Variants in GPM6A observed in about 807,000 individuals in gnomAD.
GPM6A encodes the protein glycoprotein M6A.
GPM6A carries 7 observed loss-of-function variants against 32.1 expected under a neutral mutation model. That is an observed-to-expected ratio of 0.22 (90% CI 0.12 to 0.41). The LOEUF is 0.41. Among genes scored for constraint, GPM6A ranks in the 10% least tolerant of loss-of-function variants. The pLI is 1.00. For synonymous variants in GPM6A, 130 were observed against 123.4 expected (o/e 1.05, Z -0.35); for missense variants, 235 against 347.2 (o/e 0.68, Z 2.57).
chr4:175,927,510 A>G (rs1028952857), intron 1 of GPM6A, among the ~76,000 whole-genome samples: 3 of 152,238 alleles, frequency 2.0e-5, no homozygotes, highest in African/African-American at 7.2e-5. Context: ...CTCCCAACAC[A>G]TATCCTCATG....
chr4:175,854,117 C>T (rs950581238), intron 1 of GPM6A, among the ~76,000 whole-genome samples: 3 of 152,038 alleles, frequency 2.0e-5, no homozygotes, highest in South Asian at 2.1e-4. Context: ...AGCAGAGGCA[C>T]TTTGGAAATA....
chr4:175,883,403 A>G (rs1453556014), intron 1 of GPM6A, among the ~76,000 whole-genome samples: 1 of 152,170 alleles, frequency 6.6e-6, no homozygotes, highest in East Asian at 1.9e-4. Context: ...ATCTTGCAAT[A>G]TCCAATCAAT....
At chr4:175,931,294 A>T (rs1739030353) in intron 1 of GPM6A, among the ~76,000 whole-genome samples, 1 of 152,202 alleles carries the variant, frequency 6.6e-6, no homozygotes. Flanking sequence ...AGCCACAGAA[A>T]TTAAATCCTA....
intron 6 of GPM6A, among the ~76,000 whole-genome samples, chr4:175,639,204 T>C (rs1481124164): frequency 6.6e-6 from 1 of 152,164 alleles, no homozygotes; most frequent in Non-Finnish European, 1.5e-5. Flanking sequence ...ATGAAATCAG[T>C]AAAATAACCA....
intron 1 of GPM6A, among the ~76,000 whole-genome samples, chr4:175,874,546 G>A (rs757795968): frequency 1.3e-5 from 2 of 152,084 alleles, no homozygotes; most frequent in African/African-American, 2.4e-5. Flanking sequence ...TGTGGCATAT[G>A]CTTTTGAAAC....
chr4:175,753,871 A>G (rs747985406), intron 1 of GPM6A, among the ~76,000 whole-genome samples: 7 of 152,130 alleles, frequency 4.6e-5, no homozygotes, highest in Non-Finnish European at 8.8e-5. Context: ...TCCATCAAGC[A>G]TCAGCCTTTA....
At chr4:175,758,376 C>T (rs1579466568) in intron 1 of GPM6A, among the ~76,000 whole-genome samples, 1 of 152,140 alleles carries the variant, frequency 6.6e-6, no homozygotes, top group South Asian at 2.1e-4. Flanking sequence ...TGGATAACAA[C>T]TTTTAAGACA....
chr4:175,679,003 C>T (rs1171204330), intron 2 of GPM6A, among the ~76,000 whole-genome samples: 3 of 152,210 alleles, frequency 2.0e-5, no homozygotes, highest in Non-Finnish European at 4.4e-5. Flanking sequence ...TTATTGACCT[C>T]AGGAAATATA....
intron 1 of GPM6A, among the ~76,000 whole-genome samples, chr4:175,754,306 A>G (rs1167543159): frequency 5.9e-5 from 9 of 152,132 alleles, no homozygotes; most frequent in Non-Finnish European, 1.2e-4. Context: ...AACAATAACA[A>G]GATCCTTGGT....
intron 1 of GPM6A, among the ~76,000 whole-genome samples, chr4:175,738,227 C>G (rs531739990): frequency 2.6e-5 from 4 of 152,034 alleles, no homozygotes; most frequent in African/African-American, 9.7e-5. Context: ...CATGAGTTAC[C>G]GCGTCTGGCT....
intron 2 of GPM6A, among the ~76,000 whole-genome samples, chr4:175,697,719 A>AG (rs1411969355): frequency 6.6e-6 from 1 of 152,204 alleles, no homozygotes; most frequent in African/African-American, 2.4e-5. Context: ...AAAATCTTTG[A>AG]GAAATTCTTT....
intron 1 of GPM6A, among the ~76,000 whole-genome samples, chr4:175,707,341 T>C (rs1242597658): frequency 6.6e-6 from 1 of 152,202 alleles, no homozygotes; most frequent in African/African-American, 2.4e-5. Context: ...ATGTTTTGAT[T>C]TGTGGAGGAA....
At chr4:175,793,582 G>A (rs1264185422) in intron 1 of GPM6A, among the ~76,000 whole-genome samples, 2 of 151,948 alleles carry the variant, frequency 1.3e-5, no homozygotes. Context: ...CGCTATGTTG[G>A]CCAGGCTGGT....
chr4:175,982,161 T>C (rs1310419359), intron 1 of GPM6A, among the ~76,000 whole-genome samples: 2 of 152,168 alleles, frequency 1.3e-5, no homozygotes, highest in African/African-American at 2.4e-5. Context: ...ATCAGGTATA[T>C]GTTTCGCAAA....
intron 1 of GPM6A, among the ~76,000 whole-genome samples, chr4:175,836,113 C>T (rs565976375): frequency 8.7e-4 from 133 of 152,198 alleles, no homozygotes; most frequent in Non-Finnish European, 1.7e-3. Context: ...GAATCTTTGG[C>T]GAGTATCTGG....
At chr4:175,639,236 C>T (rs1240638066) in intron 6 of GPM6A, among the ~76,000 whole-genome samples, 3 of 152,038 alleles carry the variant, frequency 2.0e-5, no homozygotes. Context: ...CTAATTAGCA[C>T]ATTAGTATTT....
At chr4:175,754,511 C>T (rs186597860) in intron 1 of GPM6A, among the ~76,000 whole-genome samples, 167 of 152,224 alleles carry the variant, frequency 1.1e-3, no homozygotes, top group African/African-American at 3.9e-3. Flanking sequence ...AATTTAAACA[C>T]ATTGTGTTCA....
chr4:175,736,315 T>C (rs1731657444), intron 1 of GPM6A, among the ~76,000 whole-genome samples: 1 of 151,926 alleles, frequency 6.6e-6, no homozygotes, highest in African/African-American at 2.4e-5. Context: ...GCACATGGCA[T>C]AAAAAAAAGT....
intron 2 of GPM6A, among the ~76,000 whole-genome samples, chr4:175,687,198 ACT>A (rs768298150): frequency 8.3e-4 from 127 of 152,204 alleles, no homozygotes; most frequent in Admixed American, 2.4e-3. Flanking sequence ...TATGGGATTT[ACT>A]CTCTTAACAT....
Sources: allele counts gnomAD v4.1 joint callset (sites outside exome capture counted in the v4.1 genomes callset), GRCh38; gene constraint gnomAD v4.1.1; transcripts MANE v1.5; gene names NCBI Gene and HGNC (gene_info 2026-07-23, HGNC 2026-07-21).